The following RAPGEF5 variants were observed in gnomAD, a reference collection of about 807,000 sequenced individuals.
The protein encoded by RAPGEF5 is Rap guanine nucleotide exchange factor 5.
A neutral mutation model predicts 125.2 loss-of-function variants in RAPGEF5; 65 were observed. The ratio of observed to expected loss-of-function variants is 0.52; its 90% CI spans 0.43 to 0.64. The LOEUF (loss-of-function observed/expected upper bound fraction) is 0.64. Among genes scored for constraint, RAPGEF5 ranks in the 30% least tolerant of loss-of-function variants. RAPGEF5 has a pLI of 0.00. For synonymous variants in RAPGEF5, 391 were observed against 385.9 expected, an observed-to-expected ratio of 1.01 and a Z score of -0.16; for missense variants, 958 against 1,048.1, an observed-to-expected ratio of 0.91 and a Z score of 1.19.
rs982993232 is a variant in RAPGEF5 at position 22,122,078 on chromosome 7, G to T, written c.*328C>A. On this transcript the variant is annotated 3_prime_UTR_variant, in exon 26 of 26. Coordinates refer to ENST00000665637, the MANE Select transcript of RAPGEF5 (RefSeq NM_012294.5). ...ATATTTGGTCATTGCATGTCAAGAC[G>T]TTGTCTTGTCTTGATGCTGGCACAT... The T allele has an allele frequency of 4.0e-6, 1 of 248,522 alleles. No homozygotes were observed. Among genetic ancestry groups the T allele is most frequent in the South Asian group, 8.6e-5 (1 of 11,642 alleles). 15.4% of individuals were successfully genotyped at this position (248,522 alleles called of 1,614,324 possible). A position where few individuals can be genotyped will look rare whatever the true frequency, so the allele number is the denominator to read the frequency against.
At chr7:22,132,529 T>C (rs191092219) in intron 23 of RAPGEF5, among the ~76,000 whole-genome samples, 10 of 152,340 alleles carry the variant, frequency 6.6e-5, no homozygotes, top group Non-Finnish European at 1.3e-4. Context: ...CGTGACACGG[T>C]ATTCAGAAAA....
intron 6 of RAPGEF5, among the ~76,000 whole-genome samples, chr7:22,284,135 T>C (rs1724109080): frequency 6.6e-6 from 1 of 152,040 alleles, no homozygotes; most frequent in Admixed American, 6.6e-5. Flanking sequence ...GGGGATCTAT[T>C]ACCAGGACGA....
At position 22,119,826 on chromosome 7, in the gene RAPGEF5, T is replaced by C. The variant is rs1255344922; in HGVS notation, c.*2580A>G. ...CTTCTAGCCAGAACAAACCCTATTC[T>C]GAAGAGGCCTTGGTGAATATCCAGA... On this transcript the variant is annotated 3_prime_UTR_variant, in exon 26 of 26. Transcript: ENST00000665637. The surrounding 1 kb of genome is among the most constrained non-coding windows in gnomAD (Gnocchi z 4.1). 2 of 152,228 alleles carry C rather than the reference T, an allele frequency of 1.3e-5. No homozygotes were observed. The highest frequency in any genetic ancestry group is 3.8e-4 in the East Asian group (2 of 5,196). 9.4% of individuals were successfully genotyped at this position (152,228 alleles called of 1,614,324 possible). A position where few individuals can be genotyped will look rare whatever the true frequency, so the allele number is the denominator to read the frequency against.
chr7:22,224,609 T>C (rs1785871702), intron 8 of RAPGEF5, among the ~76,000 whole-genome samples: 1 of 152,114 alleles, frequency 6.6e-6, no homozygotes, highest in Non-Finnish European at 1.5e-5. Flanking sequence ...TGCTCCCCAG[T>C]ATGGCCCTCC....
chr7:22,180,771 T>C (rs1005603511), intron 11 of RAPGEF5, among the ~76,000 whole-genome samples: 5 of 152,174 alleles, frequency 3.3e-5, no homozygotes, highest in African/African-American at 1.2e-4. Flanking sequence ...CAAGGAGTGT[T>C]AAGAATACTT....
At chr7:22,158,813 T>C (rs10950894) in intron 14 of RAPGEF5, among the ~76,000 whole-genome samples, 119,834 of 151,904 alleles carry the variant, frequency 0.79, 47,726 homozygotes, top group East Asian at 0.95. Context: ...TTTGTAGAGA[T>C]GGGGGTCTCA....
chr7:22,249,864 C>T (rs1362506326), intron 7 of RAPGEF5, among the ~76,000 whole-genome samples: 1 of 152,188 alleles, frequency 6.6e-6, no homozygotes, highest in Non-Finnish European at 1.5e-5. Context: ...ATCTAGATGT[C>T]AGGGCCTCAG....
chr7:22,212,489 A>T (rs1160129617), intron 9 of RAPGEF5, among the ~76,000 whole-genome samples: 1 of 152,244 alleles, frequency 6.6e-6, no homozygotes, highest in African/African-American at 2.4e-5. Flanking sequence ...ACATCAGTTC[A>T]TGAGGTCAGA....
rs897982037 is a variant in RAPGEF5 at position 22,329,000 on chromosome 7, T to C, written c.232-10963A>G. ...GGGGAAAGTCATATTCAGGTTCCAATTTACGTGTATTCTGCTCTGTAAGCT... is the reference window on the plus strand; with the variant it reads ...GGGGAAAGTCATATTCAGGTTCCAACTTACGTGTATTCTGCTCTGTAAGCT... On this transcript the variant is annotated intron_variant, in intron 1 of 25. Transcript: ENST00000665637. Among the ~76,000 whole-genome samples the C allele has an allele frequency of 6.6e-5, 10 of 152,236 alleles. 1 individual carries two copies. Among genetic ancestry groups the C allele is most frequent in the African/African-American group, 2.4e-4 (10 of 41,460 alleles).
chr7:22,191,736 G>A (rs1177168231), intron 11 of RAPGEF5: 1 of 459,220 alleles, frequency 2.2e-6, no homozygotes, highest in African/African-American at 2.0e-5. Context: ...CAATAATAAG[G>A]GTGATTTGTC....
rs1196757254 is a variant in RAPGEF5, at chr7:22,211,346, C to T, written c.996+8520G>A. On this transcript the variant is annotated intron_variant, in intron 9 of 25. Transcript: ENST00000665637. ...ACAGCACAGTAAGTTGTATTTAAAG[C>T]GAACATATCTGCCTGCATGGTGTTT... Among the ~76,000 whole-genome samples the T allele has an allele frequency of 4.6e-5, 7 of 152,128 alleles. No individual in the cohort carries two copies. The East Asian group carries it at 7.7e-4, about 17-fold the overall frequency.
chr7:22,269,548 C>T (rs146322413), intron 6 of RAPGEF5, among the ~76,000 whole-genome samples: 3 of 152,184 alleles, frequency 2.0e-5, no homozygotes, highest in East Asian at 1.9e-4. Context: ...AAAAACTTCC[C>T]GAGGGAGGAC....
intron 9 of RAPGEF5, among the ~76,000 whole-genome samples, chr7:22,200,388 G>T (rs77575246): frequency 4.7e-4 from 71 of 152,258 alleles, no homozygotes; most frequent in African/African-American, 1.7e-3. Flanking sequence ...GTTAGCAGAT[G>T]TATGTCAAGG....
At position 22,150,512 on chromosome 7, in the gene RAPGEF5, T is replaced by TAAAAAA; in HGVS notation, c.1787-9_1787-8insTTTTTT. Reference sequence around the variant, plus strand: ...GCTGAAGTTCATGCTTTTCTTTATTTGAAAAAAAAAAAAAAAAAAGGAATA... The same window carrying TAAAAAA: ...GCTGAAGTTCATGCTTTTCTTTATTTAAAAAAGAAAAAAAAAAAAAAAAAAGGAATA... On this transcript the variant is annotated splice_polypyrimidine_tract_variant and intron_variant, in intron 17 of 25. Coordinates refer to ENST00000665637, the MANE Select transcript of RAPGEF5 (RefSeq NM_012294.5). 2.3e-6 allele frequency: 3 copies of TAAAAAA among 1,324,568 alleles called. No individual in the cohort carries two copies. Among genetic ancestry groups the TAAAAAA allele is most frequent in the East Asian group, 6.2e-5 (2 of 32,084 alleles). The allele number at this position is 1,324,568 out of a possible 1,614,324, so 82.1% of individuals were successfully genotyped here.
intron 6 of RAPGEF5, among the ~76,000 whole-genome samples, chr7:22,283,318 TAA>T (rs1048863455): frequency 1.3e-5 from 2 of 152,154 alleles, no homozygotes; most frequent in African/African-American, 2.4e-5. Context: ...AGTATCCACA[TAA>T]AGTGTCATTA....
At chr7:22,197,714 G>C (rs1785179465) in intron 9 of RAPGEF5, among the ~76,000 whole-genome samples, 1 of 151,978 alleles carries the variant, frequency 6.6e-6, no homozygotes, top group African/African-American at 2.4e-5. Context: ...CTCACTCATG[G>C]GCAAGTACCC....
chr7:22,180,183 G>T lies in RAPGEF5; in HGVS notation c.1205-13035C>A, dbSNP rs143452976. On this transcript the variant is annotated intron_variant, in intron 11 of 25. Coordinates refer to ENST00000665637, the MANE Select transcript of RAPGEF5 (RefSeq NM_012294.5). ...AACAAATACATAATTATGGTATTGG[G>T]TCTACAATATCAAAACAAACTTAAC... 5.7e-3 allele frequency among the ~76,000 whole-genome samples: 866 copies of T among 152,236 alleles called. 11 individuals carry two copies. Among genetic ancestry groups the T allele is most frequent in the African/African-American group, 0.02 (832 of 41,554 alleles).
At chr7:22,214,250 A>G (rs1027920183) in intron 9 of RAPGEF5, among the ~76,000 whole-genome samples, 1 of 152,136 alleles carries the variant, frequency 6.6e-6, no homozygotes, top group African/African-American at 2.4e-5. Flanking sequence ...TCCATATTTC[A>G]TGAGTGAATT....
intron 9 of RAPGEF5, among the ~76,000 whole-genome samples, chr7:22,195,864 G>A (rs934505008): frequency 8.5e-5 from 13 of 152,100 alleles, no homozygotes; most frequent in African/African-American, 2.4e-4. Context: ...TTAATCATGC[G>A]CCAATACTCA....
Sources: allele counts gnomAD v4.1 joint callset (sites outside exome capture counted in the v4.1 genomes callset), GRCh38; gene constraint gnomAD v4.1.1; non-coding constraint Gnocchi (gnomAD v3.1); transcripts MANE v1.5; gene names NCBI Gene and HGNC (gene_info 2026-07-23, HGNC 2026-07-21).